The following ACOT1 variants were observed in gnomAD, a reference collection of about 807,000 sequenced individuals.
The protein encoded by ACOT1 is acyl-CoA thioesterase 1, also known as acyl-coenzyme A thioesterase 1.
ACOT1 carries 8 observed loss-of-function variants against 15.7 expected under a neutral mutation model. The observed-to-expected ratio is 0.51, with a 90% confidence interval of 0.30 to 0.92. ACOT1 has a LOEUF of 0.92. Among genes scored for constraint, ACOT1 ranks in the 40% least tolerant of loss-of-function variants. The pLI, the probability that ACOT1 is intolerant of heterozygous loss-of-function variation, is 0.06. For synonymous variants in ACOT1, 67 were observed against 241.2 expected, an observed-to-expected ratio of 0.28 and a Z score of 6.69; for missense variants, 151 against 539.4, an observed-to-expected ratio of 0.28 and a Z score of 7.13.
At chr14:73,514,173 C>T in the ACOT1 span, 2 of 1,614,206 alleles carry the variant, frequency 1.2e-6, no homozygotes, top group East Asian at 4.5e-5. Flanking sequence ...CCTGCAGCAG[C>T]ATATCCTTGG....
At chr14:73,532,700 A>G (rs1892449564), upstream of ACOT1, among the ~76,000 whole-genome samples, 2 of 115,528 alleles carry the variant, frequency 1.7e-5, 1 homozygote, top group African/African-American at 5.6e-5. Flanking sequence ...CACGCTCATA[A>G]TCCTAGCACT....
At chr14:73,496,322 A>G in the ACOT1 span, among the ~76,000 whole-genome samples, 1 of 152,182 alleles carries the variant, frequency 6.6e-6, no homozygotes, top group Non-Finnish European at 1.5e-5. Flanking sequence ...GATGGGGAGA[A>G]AATAGGAAGG....
the ACOT1 span, among the ~76,000 whole-genome samples, chr14:73,499,403 C>T: frequency 6.6e-6 from 1 of 152,116 alleles, no homozygotes; most frequent in African/African-American, 2.4e-5. Flanking sequence ...TTGCTTGGAC[C>T]TGGGAGGCGG....
the ACOT1 span, chr14:73,491,473 G>A: frequency 1.3e-6 from 2 of 1,491,044 alleles, no homozygotes; most frequent in Non-Finnish European, 1.8e-6. Context: ...TGTGCACCGC[G>A]CAACACTTAG....
At chr14:73,511,719 A>G in the ACOT1 span, among the ~76,000 whole-genome samples, 1 of 152,208 alleles carries the variant, frequency 6.6e-6, no homozygotes, top group Admixed American at 6.5e-5. Context: ...TACCAAAAAC[A>G]AAAACAAAAA....
the ACOT1 span, chr14:73,499,085 G>C: frequency 1.2e-6 from 2 of 1,614,038 alleles, no homozygotes; most frequent in Non-Finnish European, 1.7e-6. Context: ...AATGGCAAAG[G>C]CCTTGATTTT....
chr14:73,499,669 A>G, the ACOT1 span, among the ~76,000 whole-genome samples: 2 of 152,170 alleles, frequency 1.3e-5, no homozygotes, highest in Non-Finnish European at 2.9e-5. Context: ...TTCTCAGTCT[A>G]CAGATCTGGG....
At chr14:73,524,293 C>CAAAAAAAAAAAAA in the ACOT1 span, among the ~76,000 whole-genome samples, 3 of 56,658 alleles carry the variant, frequency 5.3e-5, no homozygotes, top group African/African-American at 9.3e-5. Flanking sequence ...AACTCCGTCT[C>CAAAAAAAAAAAAA]AAAAAAAAAA....
chr14:73,532,045 TAAA>T, the ACOT1 span, among the ~76,000 whole-genome samples: 2 of 112,864 alleles, frequency 1.8e-5, 1 homozygote, highest in Non-Finnish European at 3.8e-5. Flanking sequence ...AAAATAAAAA[TAAA>T]AAAACCCTCT....
chr14:73,492,525 A>G, the ACOT1 span: 2 of 1,613,608 alleles, frequency 1.2e-6, no homozygotes, highest in Non-Finnish European at 1.7e-6. This position sits in a 1 kb window ranked among gnomAD's most constrained non-coding sequence, Gnocchi z 4.9. Flanking sequence ...CAGCGAGCCA[A>G]AGACTTCATT....
At chr14:73,500,498 A>G in the ACOT1 span, 1 of 1,548,708 alleles carries the variant, frequency 6.5e-7, no homozygotes, top group East Asian at 2.3e-5. Context: ...AGGGAAGGTA[A>G]TGCCCTCTTC....
the ACOT1 span, chr14:73,509,323 G>A: frequency 1.9e-6 from 3 of 1,613,862 alleles, no homozygotes; most frequent in African/African-American, 1.3e-5. Context: ...CTTCAGAAGG[G>A]CAGTCTGCAT....
At chr14:73,518,164 T>A in the ACOT1 span, among the ~76,000 whole-genome samples, 1 of 152,142 alleles carries the variant, frequency 6.6e-6, no homozygotes, top group Non-Finnish European at 1.5e-5. Context: ...AGGCACAGAA[T>A]GTGCCTGTGC....
At chr14:73,517,665 CAA>C in the ACOT1 span, among the ~76,000 whole-genome samples, 10 of 59,360 alleles carry the variant, frequency 1.7e-4, no homozygotes, top group Non-Finnish European at 1.8e-4. Context: ...GAGACCCTGT[CAA>C]AAAAAAAAAA....
At chr14:73,529,781 T>C in the ACOT1 span, among the ~76,000 whole-genome samples, 1 of 151,908 alleles carries the variant, frequency 6.6e-6, no homozygotes, top group South Asian at 2.1e-4. Flanking sequence ...GTTATTAAAA[T>C]AGAGGAAACT....
chr14:73,522,668 CGG>C, the ACOT1 span: 1 of 1,614,170 alleles, frequency 6.2e-7, no homozygotes. Context: ...GATGAGAGGG[CGG>C]GGTGCTTCCC....
At chr14:73,532,762 A>G (rs184943564), upstream of ACOT1, among the ~76,000 whole-genome samples, 235 of 113,766 alleles carry the variant, frequency 2.1e-3, 54 homozygotes, top group South Asian at 8.4e-3. Context: ...AAACCATCCT[A>G]GCTAACACAG....
the ACOT1 span, among the ~76,000 whole-genome samples, chr14:73,521,750 A>G: frequency 6.6e-6 from 1 of 152,140 alleles, no homozygotes; most frequent in African/African-American, 2.4e-5. Context: ...TCAGTGACAC[A>G]CTGGTTCCTT....
chr14:73,518,890 A>G, the ACOT1 span: 1 of 777,936 alleles, frequency 1.3e-6, no homozygotes, highest in African/African-American at 1.7e-5. Flanking sequence ...GTACGTAGAA[A>G]GGGGATTGCC....
Sources: allele counts gnomAD v4.1 joint callset (sites outside exome capture counted in the v4.1 genomes callset), GRCh38; gene constraint gnomAD v4.1.1; non-coding constraint Gnocchi (gnomAD v3.1); transcripts MANE v1.5; gene names NCBI Gene and HGNC (gene_info 2026-07-23, HGNC 2026-07-21).